The following DCDC1 variants were observed in gnomAD, a reference collection of about 807,000 sequenced individuals.
DCDC1 encodes doublecortin domain-containing protein 1.
DCDC1 carries 200 observed loss-of-function variants against 178.3 expected under a neutral mutation model. That is an observed-to-expected ratio of 1.12 (90% CI 1.00 to 1.26). The LOEUF is 1.26. DCDC1 is among the 50% of genes most tolerant of loss of function. The probability of loss-of-function intolerance (pLI) is 0.00; values close to 1 mark genes in which losing one functional copy is unlikely to be tolerated. For synonymous variants in DCDC1, 690 were observed against 604.8 expected (o/e 1.14, Z -2.07); for missense variants, 1,983 against 1,749.2 (o/e 1.13, Z -2.38).
rs752575294 is a variant in DCDC1, at chr11:31,103,740, G to T, written c.1781C>A (p.Thr594Asn). The T allele has an allele frequency of 5.2e-6, 4 of 764,902 alleles. No homozygotes were observed. Among genetic ancestry groups the T allele is most frequent in the Middle Eastern group, 2.2e-4 (1 of 4,450 alleles). The allele number at this position is 764,902 out of a possible 1,614,324, so 47.4% of individuals were successfully genotyped here. Residue 594 changes from threonine (T) to asparagine (N), a missense_variant, in exon 14 of 39, where the codon ACC (threonine) becomes AAC (asparagine). Coordinates refer to ENST00000684477, the MANE Select transcript of DCDC1 (RefSeq NM_001387274.1). Reference protein sequence around the residue: ...RSPLNLALGLTFDRVSAFARG... With the variant: ...RSPLNLALGLNFDRVSAFARG... ...GGCAAATGCACTCACTCGGTCAAAG[G>T]TCAAACCCAAAGCAAGATTTAGTGG...
chr11:31,258,608 G>C (rs1944571579), intron 8 of DCDC1, among the ~76,000 whole-genome samples: 1 of 152,118 alleles, frequency 6.6e-6, no homozygotes, highest in Non-Finnish European at 1.5e-5. Flanking sequence ...AAAAAACTGA[G>C]GAAAGACCAT....
intron 6 of DCDC1, among the ~76,000 whole-genome samples, chr11:31,297,917 A>G (rs901484627): frequency 6.6e-6 from 1 of 152,100 alleles, no homozygotes; most frequent in African/African-American, 2.4e-5. Flanking sequence ...TTCATCTTAC[A>G]TATATTGATT....
intron 9 of DCDC1, among the ~76,000 whole-genome samples, chr11:31,169,551 C>A (rs1021827480): frequency 6.6e-6 from 1 of 152,142 alleles, no homozygotes; most frequent in African/African-American, 2.4e-5. Context: ...GGCCAGACAA[C>A]GACTCATACA....
intron 20 of DCDC1, among the ~76,000 whole-genome samples, chr11:30,997,549 T>C (rs1456835313): frequency 3.3e-5 from 5 of 152,186 alleles, no homozygotes; most frequent in Non-Finnish European, 7.4e-5. Context: ...GAATTGTATA[T>C]AAGTATTGTA....
At chr11:31,261,631 A>G (rs1178692165) in intron 8 of DCDC1, among the ~76,000 whole-genome samples, 1 of 152,178 alleles carries the variant, frequency 6.6e-6, no homozygotes, top group Non-Finnish European at 1.5e-5. Context: ...CATAGGCTAT[A>G]TGCAAATACT....
intron 20 of DCDC1, among the ~76,000 whole-genome samples, chr11:31,044,252 C>G (rs982311391): frequency 6.6e-6 from 1 of 151,920 alleles, no homozygotes; most frequent in African/African-American, 2.4e-5. Flanking sequence ...CCAAGGCTGG[C>G]GGATCACAAA....
At chr11:31,175,099 G>T (rs565670735) in intron 9 of DCDC1, among the ~76,000 whole-genome samples, 2 of 152,328 alleles carry the variant, frequency 1.3e-5, no homozygotes, top group African/African-American at 4.8e-5. Flanking sequence ...GGAGCTTCCT[G>T]AACCAAGGCT....
chr11:31,175,147 T>C (rs1967815605), intron 9 of DCDC1, among the ~76,000 whole-genome samples: 1 of 152,188 alleles, frequency 6.6e-6, no homozygotes, highest in South Asian at 2.1e-4. Flanking sequence ...GTCTGGCATC[T>C]CCGAGCTTCC....
intron 10 of DCDC1, among the ~76,000 whole-genome samples, chr11:31,132,020 A>G (rs1962509866): frequency 6.6e-6 from 1 of 152,202 alleles, no homozygotes. Context: ...TAAAGTCTTA[A>G]AAGTTTCATC....
intron 29 of DCDC1, 147 bp from the exon 30 acceptor site, chr11:30,906,872 AT>A: frequency 1.2e-6 from 1 of 808,446 alleles, no homozygotes; most frequent in African/African-American, 1.7e-5. Flanking sequence ...TTTAGCATAA[AT>A]TTAGCCAAAA....
intron 22 of DCDC1, among the ~76,000 whole-genome samples, chr11:30,927,705 TTATTATA>T (rs1946673360): frequency 6.6e-6 from 1 of 152,182 alleles, no homozygotes; most frequent in Non-Finnish European, 1.5e-5. Flanking sequence ...AAAATGGAAC[TTATTATA>T]CTATTAGATC....
intron 22 of DCDC1, among the ~76,000 whole-genome samples, chr11:30,925,677 A>G (rs1004230524): frequency 6.6e-6 from 1 of 152,196 alleles, no homozygotes; most frequent in Non-Finnish European, 1.5e-5. Context: ...GATTTTGAAA[A>G]GAGCTCTTAG....
At chr11:31,215,857 G>A (rs757287882) in intron 9 of DCDC1, among the ~76,000 whole-genome samples, 2 of 151,596 alleles carry the variant, frequency 1.3e-5, no homozygotes, top group Non-Finnish European at 1.5e-5. Context: ...CTAAAAAGAA[G>A]CTCTTGAGTG....
chr11:30,975,300 G>A (rs1950042140), intron 20 of DCDC1, among the ~76,000 whole-genome samples: 1 of 151,878 alleles, frequency 6.6e-6, no homozygotes, highest in Non-Finnish European at 1.5e-5. Flanking sequence ...TTACCTCTAA[G>A]AACTGGAGCA....
At chr11:31,014,241 C>T (rs1952347663) in intron 20 of DCDC1, among the ~76,000 whole-genome samples, 1 of 152,046 alleles carries the variant, frequency 6.6e-6, no homozygotes, top group East Asian at 1.9e-4. Flanking sequence ...CCCCCCTCCC[C>T]TCCCTTCCTC....
intron 3 of DCDC1, among the ~76,000 whole-genome samples, chr11:31,308,237 A>C (rs1273313111): frequency 3.9e-5 from 6 of 152,214 alleles, no homozygotes; most frequent in Admixed American, 3.9e-4. Flanking sequence ...TACTTAATTC[A>C]ACCAAAAGGA....
At position 31,247,035 on chromosome 11, in the gene DCDC1, T is replaced by C. The variant is rs1251824833; in HGVS notation, c.1055-5419A>G. Among the ~76,000 whole-genome samples, 3 of 152,204 alleles carry C rather than the reference T, an allele frequency of 2.0e-5. No homozygotes were observed. The East Asian group carries it at 5.8e-4, about 29-fold the overall frequency. ...ATTGCCTGTGGGGTCTACAGTGTTATAATACTGCTGTAAGAGACATTGATT... is the reference window on the plus strand; with the variant it reads ...ATTGCCTGTGGGGTCTACAGTGTTACAATACTGCTGTAAGAGACATTGATT... On this transcript the variant is annotated intron_variant, in intron 8 of 38. Coordinates refer to ENST00000684477, the MANE Select transcript of DCDC1 (RefSeq NM_001387274.1).
intron 20 of DCDC1, among the ~76,000 whole-genome samples, chr11:31,043,247 T>A (rs1032793956): frequency 6.6e-6 from 1 of 152,194 alleles, no homozygotes; most frequent in Non-Finnish European, 1.5e-5. Context: ...TGAGAGACTT[T>A]TGCTGATACA....
intron 29 of DCDC1, 23 bp from the exon 30 acceptor site, chr11:30,906,748 C>A: frequency 6.2e-7 from 1 of 1,602,552 alleles, no homozygotes; most frequent in South Asian, 1.1e-5. Context: ...ACAAAGATGG[C>A]TTTATATAGG....
Sources: gnomAD v4.1 joint callset for allele counts (sites outside exome capture counted in the v4.1 genomes callset) on GRCh38, gnomAD v4.1.1 for gene constraint, MANE v1.5 for transcripts, NCBI Gene and HGNC (gene_info 2026-07-23, HGNC 2026-07-21) for gene names.